AK8: variants seen among roughly 807,000 people sequenced by gnomAD.
AK8 encodes adenylate kinase 8, also known as ATP-AMP transphosphorylase 8.
Under a neutral mutation model 54.6 loss-of-function variants are expected in AK8, and 44 were observed. That is an observed-to-expected ratio of 0.81 (90% CI 0.63 to 1.04). The LOEUF (loss-of-function observed/expected upper bound fraction) is 1.04, where lower values mean the gene tolerates loss of function less well. Among genes scored for constraint, AK8 ranks in the 50% least tolerant of loss-of-function variants. AK8 has a pLI of 0.00. For missense variants in AK8, 555 were observed against 613.6 expected, an observed-to-expected ratio of 0.90 and a Z score of 1.01; for synonymous variants, 239 against 245.6, an observed-to-expected ratio of 0.97 and a Z score of 0.25.
chr9:132,866,277 C>T (rs1843594627), intron 3 of AK8, among the ~76,000 whole-genome samples: 1 of 152,086 alleles, frequency 6.6e-6, no homozygotes, highest in South Asian at 2.1e-4. Context: ...ATTCACTGTC[C>T]AGAAAAGGGC....
At chr9:132,789,597 C>A (rs1454081509) in intron 11 of AK8, among the ~76,000 whole-genome samples, 9 of 57,548 alleles carry the variant, frequency 1.6e-4, no homozygotes, top group Non-Finnish European at 2.2e-4. Context: ...ACTCATCTCA[C>A]AAAAAAAAAA....
intron 11 of AK8, among the ~76,000 whole-genome samples, chr9:132,760,297 C>T (rs1018073365): frequency 6.6e-6 from 1 of 152,106 alleles, no homozygotes; most frequent in Admixed American, 6.6e-5. Flanking sequence ...ATCCTCCCAC[C>T]TCAGTCTCCC....
upstream of AK8, chr9:132,878,951 C>CA (rs1349941494): frequency 1.6e-5 from 3 of 189,682 alleles, no homozygotes; most frequent in Non-Finnish European, 2.0e-5. This position sits in a 1 kb window ranked among gnomAD's most constrained non-coding sequence, Gnocchi z 4.7. Context: ...CACCGACACT[C>CA]ACGGAGTCAC....
At chr9:132,854,515 C>A (rs1843099891) in intron 5 of AK8, among the ~76,000 whole-genome samples, 1 of 152,214 alleles carries the variant, frequency 6.6e-6, no homozygotes, top group African/African-American at 2.4e-5. Context: ...CCTAATTCTG[C>A]CTCCTGCCGA....
chr9:132,812,892 C>CATTGCGTCTGACGGCTCCT, intron 10 of AK8, among the ~76,000 whole-genome samples: 1 of 133,778 alleles, frequency 7.5e-6, no homozygotes, highest in African/African-American at 2.8e-5. Context: ...CTACACAGAT[C>CATTGCGTCTGACGGCTCCT]ACCTCATTCT....
chr9:132,857,992 C>A (rs1400062127), intron 4 of AK8, among the ~76,000 whole-genome samples: 1 of 152,250 alleles, frequency 6.6e-6, no homozygotes, highest in Non-Finnish European at 1.5e-5. Flanking sequence ...TGCTCTCCCA[C>A]CCCAGCCCCC....
intron 5 of AK8, among the ~76,000 whole-genome samples, chr9:132,842,686 C>T (rs1464957954): frequency 6.6e-6 from 1 of 152,242 alleles, no homozygotes; most frequent in African/African-American, 2.4e-5. Context: ...CTGAGCACAG[C>T]TCAGCTGGGT....
At chr9:132,838,851 G>C (rs1842426841) in intron 5 of AK8, among the ~76,000 whole-genome samples, 1 of 152,160 alleles carries the variant, frequency 6.6e-6, no homozygotes, top group South Asian at 2.1e-4. Context: ...CAGTCATGCA[G>C]GTTCAATGGG....
rs566388628 is a variant in AK8, at chr9:132,732,981, T to TTC, written c.1122-5449_1122-5448dup. Among the ~76,000 whole-genome samples, 417 of 152,126 alleles carry TTC rather than the reference T, an allele frequency of 2.7e-3. 3 individuals are homozygous for TTC. Among genetic ancestry groups the TTC allele is most frequent in the Non-Finnish European group, 4.8e-3 (324 of 67,978 alleles). ...AGGCCAGCTTCTCCCGTGGCCTTGC[T>TTC]TCTCTCTCTCTCACTTTGCCCATGC... On this transcript the variant is annotated intron_variant, in intron 11 of 12. Coordinates refer to ENST00000298545, the MANE Select transcript of AK8 (RefSeq NM_152572.3).
chr9:132,859,601 C>CCCCTTCTCCT (rs1352820281), intron 4 of AK8, among the ~76,000 whole-genome samples: 1 of 151,498 alleles, frequency 6.6e-6, no homozygotes, highest in African/African-American at 2.4e-5. Context: ...TCCCCCTCTC[C>CCCCTTCTCCT]CCCTTCTCCT....
chr9:132,827,639 T>C (rs541336200), intron 7 of AK8, among the ~76,000 whole-genome samples: 1 of 152,030 alleles, frequency 6.6e-6, no homozygotes, highest in East Asian at 1.9e-4. Context: ...TGCTCATGCC[T>C]CTCTCTCCTG....
At chr9:132,867,831 G>A (rs964214925) in intron 2 of AK8, among the ~76,000 whole-genome samples, 1 of 152,252 alleles carries the variant, frequency 6.6e-6, no homozygotes, top group Non-Finnish European at 1.5e-5. Flanking sequence ...TGGAAACAAG[G>A]TGGCTTTGGG....
intron 10 of AK8, among the ~76,000 whole-genome samples, chr9:132,802,259 C>T (rs748698269): frequency 1.2e-4 from 18 of 152,118 alleles, no homozygotes; most frequent in Non-Finnish European, 1.5e-4. Flanking sequence ...AAGCCTTCCC[C>T]GGTGTGGTGT....
chr9:132,866,989 C>A (rs373794843), intron 2 of AK8, 36 bp from the exon 3 acceptor site: 2 of 1,603,424 alleles, frequency 1.2e-6, no homozygotes, highest in African/African-American at 1.3e-5. Flanking sequence ...CACCACTCAA[C>A]ATGACAAGCA....
chr9:132,874,605 T>C (rs2131451636), intron 2 of AK8, among the ~76,000 whole-genome samples: 1 of 152,330 alleles, frequency 6.6e-6, no homozygotes. Context: ...GCTCCGGCCT[T>C]GGGTCAGGCT....
Position 132,785,104 on chromosome 9 carries a change from C to CT in AK8, c.1121+7529dup, listed in dbSNP as rs550073031. On this transcript the variant is annotated intron_variant, in intron 11 of 12. Coordinates refer to ENST00000298545, the MANE Select transcript of AK8 (RefSeq NM_152572.3). ...GAGGAGGCAGTACATGTGGGATACTCTTTTTTTTTTTTTTTTTTTAGATGG... is the reference window on the plus strand; with the variant it reads ...GAGGAGGCAGTACATGTGGGATACTCTTTTTTTTTTTTTTTTTTTTAGATGG... Among the ~76,000 whole-genome samples the CT allele has an allele frequency of 6.9e-3, 917 of 133,232 alleles. 9 individuals are homozygous for CT. Among genetic ancestry groups the CT allele is most frequent in the East Asian group, 0.052 (239 of 4,610 alleles). The allele number at this position is 133,232 out of a possible 152,430, so 87.4% of individuals were successfully genotyped here.
chr9:132,831,592 C>G (rs1842103888), intron 5 of AK8, among the ~76,000 whole-genome samples: 1 of 152,160 alleles, frequency 6.6e-6, no homozygotes, highest in African/African-American at 2.4e-5. Context: ...CGCTGGGAGC[C>G]CCCGCTTGCT....
chr9:132,778,458 T>C (rs1458761971), intron 11 of AK8, among the ~76,000 whole-genome samples: 1 of 152,156 alleles, frequency 6.6e-6, no homozygotes, highest in Non-Finnish European at 1.5e-5. Flanking sequence ...GAAATAGTGC[T>C]TCCTGGAAGG....
At chr9:132,830,905 T>C (rs2131314801) in intron 5 of AK8, among the ~76,000 whole-genome samples, 1 of 152,368 alleles carries the variant, frequency 6.6e-6, no homozygotes, top group Non-Finnish European at 1.5e-5. Context: ...GTGTTTTTAC[T>C]CTTTACATGT....
Sources: allele counts gnomAD v4.1 joint callset (sites outside exome capture counted in the v4.1 genomes callset), GRCh38; gene constraint gnomAD v4.1.1; non-coding constraint Gnocchi (gnomAD v3.1); transcripts MANE v1.5; gene names NCBI Gene and HGNC (gene_info 2026-07-23, HGNC 2026-07-21).